The following THSD4 variants were observed in gnomAD, a reference collection of about 807,000 sequenced individuals.
THSD4 encodes the protein thrombospondin type-1 domain-containing protein 4.
Under a neutral mutation model 119.0 loss-of-function variants are expected in THSD4, and 69 were observed. That is an observed-to-expected ratio of 0.58 (90% CI 0.48 to 0.71). THSD4 has a LOEUF of 0.71. Ranked by LOEUF, THSD4 falls within the 30% of genes least tolerant of loss-of-function variation. THSD4 has a pLI of 0.00. For missense variants in THSD4, 1,393 were observed against 1,391.1 expected (o/e 1.00, Z -0.02); for synonymous variants, 524 against 540.4 (o/e 0.97, Z 0.42).
intron 7 of THSD4, among the ~76,000 whole-genome samples, chr15:71,531,232 C>T (rs2048605797): frequency 6.6e-6 from 1 of 152,114 alleles, no homozygotes; most frequent in African/African-American, 2.4e-5. Context: ...AAATTCAGAC[C>T]TAAGGACTTC....
chr15:71,256,646 G>A lies in THSD4; in HGVS notation c.946G>A (p.Val316Ile). 1 of 1,614,040 alleles carries A rather than the reference G, an allele frequency of 6.2e-7. No homozygotes were observed. The change falls in exon 6 of 18, where the codon GTA becomes ATA. Residue 316 changes from valine (V) to isoleucine (I), a missense_variant. Coordinates refer to ENST00000261862, the MANE Select transcript of THSD4 (RefSeq NM_024817.3). The part of the protein sequence containing the change: ...CPESSRSIRE[V>I]QCASYNNKPF... Reference sequence around the variant, plus strand: ...AGAAAGCAGTAGAAGTATCCGGGAGGTACAGTGTGCATCCTACAACAACAA... The same window carrying A: ...AGAAAGCAGTAGAAGTATCCGGGAGATACAGTGTGCATCCTACAACAACAA...
chr15:71,652,357 C>T (rs931044304), intron 7 of THSD4, among the ~76,000 whole-genome samples: 1 of 152,146 alleles, frequency 6.6e-6, no homozygotes, highest in African/African-American at 2.4e-5. Context: ...TACGGCTCTA[C>T]ACATTAAAAG....
In THSD4 at chr15:71,735,816, C is replaced by T. The variant is rs543545122; in HGVS notation, c.1631-1916C>T. 7.3e-5 allele frequency among the ~76,000 whole-genome samples: 11 copies of T among 151,600 alleles called. No individual in the cohort carries two copies. In the East Asian group the frequency reaches 2.0e-3, roughly 27 times the overall value. Reference sequence around the variant, plus strand: ...GCTCTCTTGCTTTCTGTCTCTATCTCTCTGTCTCTCTTGCTCTCTGTCTCT... The same window carrying T: ...GCTCTCTTGCTTTCTGTCTCTATCTTTCTGTCTCTCTTGCTCTCTGTCTCT... On this transcript the variant is annotated intron_variant, in intron 10 of 17. Coordinates refer to ENST00000261862, the MANE Select transcript of THSD4 (RefSeq NM_024817.3).
At chr15:71,314,513 G>A (rs2045159367) in intron 6 of THSD4, among the ~76,000 whole-genome samples, 1 of 152,046 alleles carries the variant, frequency 6.6e-6, no homozygotes, top group Non-Finnish European at 1.5e-5. Context: ...CACCATGTTG[G>A]CCAGGCTGGT....
intron 17 of THSD4, among the ~76,000 whole-genome samples, chr15:71,775,697 C>T (rs1331704891): frequency 6.6e-6 from 1 of 151,786 alleles, no homozygotes. Context: ...GGTGATACAG[C>T]GAGACTCCGT....
intron 6 of THSD4, among the ~76,000 whole-genome samples, chr15:71,383,651 C>G (rs1026108967): frequency 2.0e-5 from 3 of 152,004 alleles, no homozygotes; most frequent in African/African-American, 7.3e-5. Flanking sequence ...AAATAGCCAG[C>G]TAAATGCCAG....
At chr15:71,633,377 G>A (rs1220177869) in intron 7 of THSD4, among the ~76,000 whole-genome samples, 1 of 144,294 alleles carries the variant, frequency 6.9e-6, no homozygotes, top group East Asian at 2.0e-4. Flanking sequence ...CTGGGTTCAA[G>A]CCATCCTCCC....
chr15:71,542,267 T>G (rs906751044), intron 7 of THSD4, among the ~76,000 whole-genome samples: 3 of 152,136 alleles, frequency 2.0e-5, no homozygotes, highest in Non-Finnish European at 4.4e-5. Flanking sequence ...CTCTAAAATA[T>G]TTATGAATTT....
At chr15:71,505,068 T>G (rs960536583) in intron 7 of THSD4, among the ~76,000 whole-genome samples, 2 of 152,192 alleles carry the variant, frequency 1.3e-5, no homozygotes, top group African/African-American at 4.8e-5. Flanking sequence ...CCTCATCCCA[T>G]CATTTCAAGG....
intron 6 of THSD4, among the ~76,000 whole-genome samples, chr15:71,263,564 G>T (rs571078408): frequency 6.6e-6 from 1 of 152,118 alleles, no homozygotes; most frequent in African/African-American, 2.4e-5. Flanking sequence ...TTGAGGAATT[G>T]CCACAGTGTC....
chr15:71,162,484 TA>T (rs200593990), intron 3 of THSD4, among the ~76,000 whole-genome samples: 10 of 149,506 alleles, frequency 6.7e-5, no homozygotes, highest in South Asian at 2.1e-4. Context: ...AGGTTTCTGC[TA>T]AAAAAAAAAT....
At chr15:71,350,142 A>T (rs1481827615) in intron 6 of THSD4, among the ~76,000 whole-genome samples, 1 of 55,476 alleles carries the variant, frequency 1.8e-5, no homozygotes, top group East Asian at 1.5e-3. Flanking sequence ...GCAAATTACT[A>T]AAAAAAAAAA....
rs181696806 is a variant in THSD4 at position 71,514,794 on chromosome 15, G to A, written c.1152+102971G>A. 2.0e-3 allele frequency among the ~76,000 whole-genome samples: 309 copies of A among 152,128 alleles called. 1 individual carries two copies. In the Middle Eastern group the frequency reaches 0.024, roughly 12 times the overall value. On this transcript the variant is annotated intron_variant, in intron 7 of 17. Coordinates refer to ENST00000261862, the MANE Select transcript of THSD4 (RefSeq NM_024817.3). ...ACAAAAATGGGATCATATACTATAC[G>A]TGCTGTTTTATAATATGCCTTTTAA...
chr15:71,216,810 T>G (rs28542488), intron 4 of THSD4, among the ~76,000 whole-genome samples: 3,059 of 152,312 alleles, frequency 0.02, 109 homozygotes, highest in African/African-American at 0.07. Context: ...AGTCCCTTAT[T>G]TTTTTGAGAC....
At chr15:71,389,865 A>C (rs947729544) in intron 6 of THSD4, among the ~76,000 whole-genome samples, 5 of 127,184 alleles carry the variant, frequency 3.9e-5, no homozygotes, top group Non-Finnish European at 6.2e-5. Flanking sequence ...GCTGGAATGC[A>C]GTGGCATGAT....
chr15:71,333,267 G>A (rs1245099447), intron 6 of THSD4, among the ~76,000 whole-genome samples: 3 of 152,076 alleles, frequency 2.0e-5, no homozygotes, highest in Non-Finnish European at 4.4e-5. Flanking sequence ...CTTGGGAGGG[G>A]CATTCTGAGT....
chr15:71,261,064 T>G (rs914578221), intron 6 of THSD4, among the ~76,000 whole-genome samples: 16 of 152,206 alleles, frequency 1.1e-4, no homozygotes, highest in South Asian at 2.1e-4. Flanking sequence ...ATGGCACCAT[T>G]GCACTCCAGC....
At chr15:71,619,649 C>T (rs2050385620) in intron 7 of THSD4, among the ~76,000 whole-genome samples, 1 of 152,152 alleles carries the variant, frequency 6.6e-6, no homozygotes, top group South Asian at 2.1e-4. Flanking sequence ...TATTCTGTTT[C>T]TTTGTGGCTC....
At chr15:71,513,752 C>T (rs1040064969) in intron 7 of THSD4, among the ~76,000 whole-genome samples, 8 of 152,100 alleles carry the variant, frequency 5.3e-5, no homozygotes, top group African/African-American at 1.9e-4. Flanking sequence ...CAGCTCTATT[C>T]GTAGTAGCTC....
Sources: allele counts gnomAD v4.1 joint callset (sites outside exome capture counted in the v4.1 genomes callset), GRCh38; gene constraint gnomAD v4.1.1; transcripts MANE v1.5; gene names NCBI Gene and HGNC (gene_info 2026-07-23, HGNC 2026-07-21).